BAHCC1: variants seen among roughly 807,000 people sequenced by gnomAD.
BAHCC1 encodes BAH and coiled-coil domain-containing protein 1.
BAHCC1 carries 43 observed loss-of-function variants against 88.2 expected under a neutral mutation model. The observed-to-expected ratio is 0.49, with a 90% CI of 0.38 to 0.63. The LOEUF (loss-of-function observed/expected upper bound fraction) is 0.63, where lower values mean the gene tolerates loss of function less well. BAHCC1 is among the 20% of genes least tolerant of loss of function. The probability of loss-of-function intolerance (pLI) is 0.00; values close to 1 mark genes in which losing one functional copy is unlikely to be tolerated. For missense variants in BAHCC1, 3,023 were observed against 1,654.8 expected (o/e 1.83, Z -14.34); for synonymous variants, 1,510 against 745.5 (o/e 2.03, Z -16.71).
chr17:81,423,264 G>A (rs568063435), intron 2 of BAHCC1, among the ~76,000 whole-genome samples: 21 of 152,206 alleles, frequency 1.4e-4, no homozygotes, highest in African/African-American at 4.3e-4. Flanking sequence ...GTTCGCACAC[G>A]AGAGGGGAAG....
intron 2 of BAHCC1, chr17:81,415,454 G>A (rs781982675): frequency 1.9e-5 from 9 of 472,586 alleles, no homozygotes; most frequent in Non-Finnish European, 2.6e-5. Flanking sequence ...ACGCGAGCGC[G>A]AGGCCCCATG....
intron 3 of BAHCC1, among the ~76,000 whole-genome samples, chr17:81,431,897 T>G (rs1404010193): frequency 6.6e-6 from 1 of 152,136 alleles, no homozygotes; most frequent in African/African-American, 2.4e-5. Context: ...TAGAGGCTGC[T>G]CTGGGACCCA....
At chr17:81,405,698 GC>G (rs1207211455) in intron 2 of BAHCC1, among the ~76,000 whole-genome samples, 20 of 152,282 alleles carry the variant, frequency 1.3e-4, no homozygotes, top group Non-Finnish European at 2.4e-4. Flanking sequence ...GCTCCATCGT[GC>G]CCCCCTGCCC....
In BAHCC1 at chr17:81,459,501, C is replaced by T. The variant is rs782150843; in HGVS notation, c.5802C>T (p.Leu1934=). Residue 1934 remains leucine, a synonymous_variant, in exon 23 of 28, where the codon CTC becomes CTT. Transcript: ENST00000675386. Reference sequence around the variant, plus strand: ...CGTCGCCCGCGTTCCTGCAGGTTCTCGATGTGCGGCCACAGTCCAGCCGGT... The same window carrying T: ...CGTCGCCCGCGTTCCTGCAGGTTCTTGATGTGCGGCCACAGTCCAGCCGGT... The part of the protein sequence containing the change: ...SLEQLLQEAV[L]DVRPQSSRYL... 27 of 779,306 alleles carry T rather than the reference C, an allele frequency of 3.5e-5. 1 individual carries two copies. Among genetic ancestry groups the T allele is most frequent in the South Asian group, 1.2e-4 (9 of 74,622 alleles). 48.3% of individuals were successfully genotyped at this position (779,306 alleles called of 1,614,324 possible).
At chr17:81,410,837 G>A (rs985917717) in intron 2 of BAHCC1, among the ~76,000 whole-genome samples, 1 of 152,100 alleles carries the variant, frequency 6.6e-6, no homozygotes, top group Non-Finnish European at 1.5e-5. Context: ...GTCTCGGGGC[G>A]GGGGTGGGGG....
At chr17:81,433,812 G>A (rs188708883) in intron 3 of BAHCC1, among the ~76,000 whole-genome samples, 87 of 152,348 alleles carry the variant, frequency 5.7e-4, no homozygotes, top group African/African-American at 1.6e-3. Flanking sequence ...TGCCGCATGC[G>A]GACAGGGTTT....
At chr17:81,422,178 A>C (rs1555649672) in intron 2 of BAHCC1, among the ~76,000 whole-genome samples, 1 of 151,954 alleles carries the variant, frequency 6.6e-6, no homozygotes, top group Non-Finnish European at 1.5e-5. Context: ...TGCCCGGATA[A>C]TTTCTGTATT....
rs782747353 is a variant in BAHCC1 at position 81,458,455 on chromosome 17, C to G, written c.5332C>G (p.Pro1778Ala). Residue 1778 changes from proline (P) to alanine (A), a missense_variant, in exon 18 of 28, where the codon CCA becomes GCA. Transcript: ENST00000675386. ...RATRKGTVLQ[P>A]VLRRKNGALS... Reference sequence around the variant, plus strand: ...CACGCGCAAGGGCACAGTGCTGCAGCCAGTGCTGCGGGTGAGGCTGGGCTC... The same window carrying G: ...CACGCGCAAGGGCACAGTGCTGCAGGCAGTGCTGCGGGTGAGGCTGGGCTC... 4 of 717,980 alleles carry G rather than the reference C, an allele frequency of 5.6e-6. No individual in the cohort carries two copies. The Admixed American group carries it at 5.6e-5, about 10-fold the overall frequency. 44.5% of individuals were successfully genotyped at this position (717,980 alleles called of 1,614,324 possible). A position where few individuals can be genotyped will look rare whatever the true frequency, so the allele number is the denominator to read the frequency against.
chr17:81,430,981 G>C (rs1203531699), intron 3 of BAHCC1, among the ~76,000 whole-genome samples: 1 of 148,420 alleles, frequency 6.7e-6, no homozygotes, highest in African/African-American at 2.5e-5. Flanking sequence ...CAGCGTGGGG[G>C]TCCCGGCGTG....
rs2064559788 is a variant in BAHCC1 at position 81,447,730 on chromosome 17, C to T, written c.3858C>T (p.Ala1286=). The change falls in exon 11 of 28, where the codon GCC becomes GCT. Residue 1286 remains alanine, a synonymous_variant. Coordinates refer to ENST00000675386, the MANE Select transcript of BAHCC1 (RefSeq NM_001377448.1). ...CACCGGACCCTCAGCCCCCAGCGGC[C>T]TCTGGGCCCCCCAGCACAGTCCCCC... is the stretch of plus-strand genomic sequence containing the variant. ...DSPPDPQPPA[A]SGPPSTVPLP... The T allele has an allele frequency of 1.4e-6, 1 of 734,548 alleles. No individual in the cohort carries two copies. Among genetic ancestry groups the T allele is most frequent in the Non-Finnish European group, 2.5e-6 (1 of 395,326 alleles). The allele number at this position is 734,548 out of a possible 1,614,324, so 45.5% of individuals were successfully genotyped here.
At chr17:81,428,798 A>AC (rs1326282840) in intron 3 of BAHCC1, among the ~76,000 whole-genome samples, 1 of 151,898 alleles carries the variant, frequency 6.6e-6, no homozygotes, top group Non-Finnish European at 1.5e-5. Flanking sequence ...CACCCCGGGG[A>AC]CCCCCACCAC....
chr17:81,402,098 C>T (rs1364614259), intron 2 of BAHCC1: 1 of 152,374 alleles, frequency 6.6e-6, no homozygotes, highest in African/African-American at 2.4e-5. Context: ...CCTCCCCAAG[C>T]GCAGGGTGCT....
chr17:81,461,907 A>G lies in BAHCC1; in HGVS notation c.7244A>G (p.Lys2415Arg), dbSNP rs1456747436. ...AGCAGCAGCAGCAAATCCAAGCTCA[A>G]GCGCAAAGAGGCCCTGAGCTTCTCC... Reference protein sequence around the residue: ...GPSSSSKSKLKRKEALSFSKA... With the variant: ...GPSSSSKSKLRRKEALSFSKA... Residue 2415 changes from lysine to arginine, a missense_variant, in exon 26 of 28, where the codon AAG becomes AGG. Transcript: ENST00000675386. 2.7e-6 allele frequency: 2 copies of G among 743,078 alleles called. No homozygotes were observed. The highest frequency in any genetic ancestry group is 5.0e-6 in the Non-Finnish European group (2 of 400,166). 46.0% of individuals were successfully genotyped at this position (743,078 alleles called of 1,614,324 possible). A position where few individuals can be genotyped will look rare whatever the true frequency, so the allele number is the denominator to read the frequency against.
chr17:81,452,735 T>A lies in BAHCC1; in HGVS notation c.4329T>A (p.Ser1443Arg). 1.3e-6 allele frequency: 1 copy of A among 748,430 alleles called. No homozygotes were observed. Among genetic ancestry groups the A allele is most frequent in the South Asian group, 1.4e-5 (1 of 71,364 alleles). The allele number at this position is 748,430 out of a possible 1,614,324, so 46.4% of individuals were successfully genotyped here. A position where few individuals can be genotyped will look rare whatever the true frequency, so the allele number is the denominator to read the frequency against. Residue 1443 changes from serine to arginine, a missense_variant, in exon 14 of 28, where the codon AGT becomes AGA. By Grantham distance (110) the Ser-to-Arg change is moderately radical (BLOSUM62 -1). Transcript: ENST00000675386. ...QRKHDHERDE[S>R]SRSPARRGPG... is the part of the protein sequence containing the mutation. The stretch of plus-strand genomic sequence containing the variant: ...CTGCGGCCCCCAGGAGAGACGAGAG[T>A]TCACGGAGCCCTGCACGGCGGGGGC...
rs377478885 is a variant in BAHCC1, at chr17:81,446,575, A to G, written c.3164-461A>G. On this transcript the variant is annotated intron_variant, in intron 10 of 27. Transcript: ENST00000675386. The stretch of plus-strand genomic sequence containing the variant: ...TTTTTTTTTTTTTTTGAGACAGGGT[A>G]TCTCCCTATGTCGCCCAGTCTGGAG... Among the ~76,000 whole-genome samples the G allele has an allele frequency of 1.4e-4, 14 of 101,462 alleles. No individual in the cohort carries two copies. In the East Asian group the frequency reaches 3.0e-3, roughly 22 times the overall value. The allele number at this position is 101,462 out of a possible 152,430, so 66.6% of individuals were successfully genotyped here.
At chr17:81,424,231 C>T (rs1225784072) in intron 2 of BAHCC1, among the ~76,000 whole-genome samples, 61 of 152,360 alleles carry the variant, frequency 4.0e-4, no homozygotes, top group Non-Finnish European at 1.2e-4. Flanking sequence ...GGAGAGAGAA[C>T]AGCTCCTCCC....
Position 81,457,493 on chromosome 17 carries a change from G to T in BAHCC1, c.4942G>T (p.Gly1648Trp). ...GGAAGCAGGGCTGCTGCTGCACACCGGGGCCAGTGTGGCCGTGCTGGGGCC... is the reference window on the plus strand; with the variant it reads ...GGAAGCAGGGCTGCTGCTGCACACCTGGGCCAGTGTGGCCGTGCTGGGGCC... ...PREAGLLLHT[G>W]ASVAVLGPSP... Residue 1648 changes from glycine to tryptophan, a missense_variant, in exon 17 of 28, where the codon GGG (glycine) becomes TGG (tryptophan). Physicochemically the swap from Gly to Trp is radical, Grantham distance 184. Transcript: ENST00000675386. The T allele has an allele frequency of 1.3e-6, 1 of 763,300 alleles. No individual in the cohort carries two copies. Among genetic ancestry groups the T allele is most frequent in the East Asian group, 2.5e-5 (1 of 40,588 alleles). 47.3% of individuals were successfully genotyped at this position (763,300 alleles called of 1,614,324 possible).
At position 81,433,476 on chromosome 17, in the gene BAHCC1, T is replaced by C. The variant is rs546102551; in HGVS notation, c.359-4894T>C. On this transcript the variant is annotated intron_variant, in intron 3 of 27. Transcript: ENST00000675386. The stretch of plus-strand genomic sequence containing the variant: ...GTCATCAGTCCACCGAGGCCCCTCC[T>C]GTGCCCAGGGCAGGAGTCATCAGTC... Among the ~76,000 whole-genome samples, 20 of 148,400 alleles carry C rather than the reference T, an allele frequency of 1.3e-4. No homozygotes were observed. In the South Asian group the frequency reaches 4.2e-3, roughly 31 times the overall value.
At chr17:81,460,737 C>A in intron 25 of BAHCC1, 31 bp downstream of exon 25, 1 of 776,252 alleles carries the variant, frequency 1.3e-6, no homozygotes, top group Non-Finnish European at 2.4e-6. Flanking sequence ...GAATCCGGAT[C>A]GGGGAAGGCA....
Sources: gnomAD v4.1 joint callset for allele counts (sites outside exome capture counted in the v4.1 genomes callset) on GRCh38, gnomAD v4.1.1 for gene constraint, MANE v1.5 for transcripts, NCBI Gene and HGNC (gene_info 2026-07-23, HGNC 2026-07-21) for gene names.